The following PIEZO2 variants were observed in gnomAD, a reference collection of about 807,000 sequenced individuals.
The protein encoded by PIEZO2 is piezo type mechanosensitive ion channel component 2, also known as piezo-type mechanosensitive ion channel component 2.
Under a neutral mutation model 337.3 loss-of-function variants are expected in PIEZO2, and 172 were observed. The observed-to-expected ratio is 0.51, with a 90% CI of 0.45 to 0.58. The LOEUF is 0.58. Among genes scored for constraint, PIEZO2 ranks in the 20% least tolerant of loss-of-function variants. PIEZO2 has a pLI of 0.00. For synonymous variants in PIEZO2, 1,251 were observed against 1,228.5 expected (o/e 1.02, Z -0.38); for missense variants, 3,028 against 3,391.3 (o/e 0.89, Z 2.66).
chr18:10,761,050 T>C lies in PIEZO2; in HGVS notation c.3311A>G (p.Tyr1104Cys), dbSNP rs192225494. The change falls in exon 24 of 56, where the codon TAC becomes TGC. Residue 1104 changes from tyrosine to cysteine, a missense_variant. Physicochemically the swap from Tyr to Cys is radical, Grantham distance 194. Around this residue, in one of 5 missense-constraint regions of PIEZO2, gnomAD observed 1,925 missense variants for 2,051.9 expected, o/e 0.94. Coordinates refer to ENST00000674853, the MANE Select transcript of PIEZO2 (RefSeq NM_001378183.1). ...CGTCAGGTTATTTCGACCTCGATAG[T>C]ATTCCTGATGGCGGTAAATGGTGAC... ...FEVTIYRHQE[Y>C]YRGRNNLTAP... The C allele has an allele frequency of 3.8e-4, 578 of 1,537,200 alleles. No homozygotes were observed. The highest frequency in any genetic ancestry group is 4.7e-4 in the Non-Finnish European group (535 of 1,146,856).
At chr18:10,738,101 C>T (rs1179610879) in intron 33 of PIEZO2, 1 of 152,118 alleles carries the variant, frequency 6.6e-6, no homozygotes, top group Non-Finnish European at 1.5e-5. Context: ...GTACTGGGTC[C>T]AGGCCTTGGG....
chr18:10,972,947 T>G (rs557277788), intron 3 of PIEZO2, among the ~76,000 whole-genome samples: 1 of 152,322 alleles, frequency 6.6e-6, no homozygotes, highest in Non-Finnish European at 1.5e-5. Context: ...AGCTGTTATC[T>G]TCCTTTGACA....
intron 4 of PIEZO2, among the ~76,000 whole-genome samples, chr18:10,905,101 A>C (rs2145032037): frequency 6.6e-6 from 1 of 152,378 alleles, no homozygotes; most frequent in Non-Finnish European, 1.5e-5. Context: ...CTACTTTGAC[A>C]AAATTTTACA....
intron 4 of PIEZO2, among the ~76,000 whole-genome samples, chr18:10,904,313 C>T (rs181910332): frequency 6.6e-4 from 101 of 152,326 alleles, no homozygotes; most frequent in Non-Finnish European, 1.3e-3. Context: ...GCCCATAAAA[C>T]CGAGTTACCG....
In PIEZO2 at chr18:11,148,326, T is replaced by TA; in HGVS notation, c.64+198dup. Among the ~76,000 whole-genome samples, 1 of 151,932 alleles carries TA rather than the reference T, an allele frequency of 6.6e-6. No individual in the cohort carries two copies. The highest frequency in any genetic ancestry group is 1.5e-5 in the Non-Finnish European group (1 of 67,994). On this transcript the variant is annotated intron_variant, in intron 1 of 55. Transcript: ENST00000674853. The surrounding 1 kb of genome is among the most constrained non-coding windows in gnomAD (Gnocchi z 5.2). The stretch of plus-strand genomic sequence containing the variant: ...CACATGCCCGTCCCGAGCATCCTGT[T>TA]AAGAGATACCCCGATCGCGCGCCCC...
At position 10,759,916 on chromosome 18, in the gene PIEZO2, A is replaced by T. The variant is rs2038053908; in HGVS notation, c.3451-7T>A. 66 of 1,533,172 alleles carry T rather than the reference A, an allele frequency of 4.3e-5. No individual in the cohort carries two copies. Among genetic ancestry groups the T allele is most frequent in the Non-Finnish European group, 5.8e-5 (66 of 1,143,414 alleles). The allele number at this position is 1,533,172 out of a possible 1,614,324, so 95.0% of individuals were successfully genotyped here. A position where few individuals can be genotyped will look rare whatever the true frequency, so the allele number is the denominator to read the frequency against. ...CTGACATTAGGAAACAGGTCTGTGT[A>T]AAGATGAAAAGAGGCAAAAAAAAAA... On this transcript the variant is annotated splice_region_variant and splice_polypyrimidine_tract_variant and intron_variant, in intron 24 of 55. Transcript: ENST00000674853. This position sits in a 1 kb window ranked among gnomAD's most constrained non-coding sequence, Gnocchi z 5.5.
At chr18:11,054,499 C>T (rs1049791454) in intron 2 of PIEZO2, among the ~76,000 whole-genome samples, 21 of 152,226 alleles carry the variant, frequency 1.4e-4, no homozygotes, top group African/African-American at 4.8e-4. Context: ...ACTGAACGAA[C>T]GCCTGCTATA....
In PIEZO2 at chr18:10,813,063, T is replaced by G. The variant is rs1297846168; in HGVS notation, c.918-5789A>C. On this transcript the variant is annotated intron_variant, in intron 7 of 55. Coordinates refer to ENST00000674853, the MANE Select transcript of PIEZO2 (RefSeq NM_001378183.1). This position sits in a 1 kb window ranked among gnomAD's most constrained non-coding sequence, Gnocchi z 4.2. Reference sequence around the variant, plus strand: ...CATTGGGCCTCTGCTCACTGCAACCTCTGCCTCCCCGGCTCAAGTGATTCT... The same window carrying G: ...CATTGGGCCTCTGCTCACTGCAACCGCTGCCTCCCCGGCTCAAGTGATTCT... 6.6e-6 allele frequency among the ~76,000 whole-genome samples: 1 copy of G among 151,576 alleles called. No individual in the cohort carries two copies. The highest frequency in any genetic ancestry group is 6.6e-5 in the Admixed American group (1 of 15,174).
At chr18:10,791,115 T>G (rs1240335461) in intron 14 of PIEZO2, 86 bp downstream of exon 14, 4 of 1,320,500 alleles carry the variant, frequency 3.0e-6, no homozygotes, top group Non-Finnish European at 4.0e-6. Context: ...TCATTTATTC[T>G]GAAGCTGTCT....
rs1218022168 is a variant in PIEZO2, at chr18:10,795,689, C to T, written c.1528-687G>A. 6.6e-6 allele frequency among the ~76,000 whole-genome samples: 1 copy of T among 152,142 alleles called. No homozygotes were observed. The highest frequency in any genetic ancestry group is 1.5e-5 in the Non-Finnish European group (1 of 68,018). On this transcript the variant is annotated intron_variant, in intron 12 of 55. Transcript: ENST00000674853. This position sits in a 1 kb window ranked among gnomAD's most constrained non-coding sequence, Gnocchi z 4.4. ...TTCCTTACTGGAAACTGAAGTTGAG[C>T]ATACACAGGTTCATCTGAGAAGCAC...
intron 2 of PIEZO2, among the ~76,000 whole-genome samples, chr18:11,064,644 G>A (rs2038092189): frequency 6.6e-6 from 1 of 152,162 alleles, no homozygotes; most frequent in Non-Finnish European, 1.5e-5. Flanking sequence ...TGCATATTCA[G>A]GGCTGGTTAG....
chr18:10,837,504 T>A lies in PIEZO2; in HGVS notation c.917+17849A>T, dbSNP rs2041052365. 6.6e-6 allele frequency among the ~76,000 whole-genome samples: 1 copy of A among 152,172 alleles called. No homozygotes were observed. The stretch of plus-strand genomic sequence containing the variant: ...TTACCACCATGCACATCCTTTAGAA[T>A]GTTGGGGCCAGCAAGAAAGCTTGAG... On this transcript the variant is annotated intron_variant, in intron 7 of 55. Coordinates refer to ENST00000674853, the MANE Select transcript of PIEZO2 (RefSeq NM_001378183.1). The surrounding 1 kb of genome is among the most constrained non-coding windows in gnomAD (Gnocchi z 4.4).
intron 42 of PIEZO2, 154 bp downstream of exon 42, chr18:10,704,240 G>T (rs2035468083): frequency 1.9e-6 from 2 of 1,053,422 alleles, no homozygotes; most frequent in Admixed American, 2.9e-5. Flanking sequence ...CTGACGATTT[G>T]TGTATCTAAG....
chr18:10,956,092 G>A (rs1339951116), intron 3 of PIEZO2, among the ~76,000 whole-genome samples: 1 of 152,106 alleles, frequency 6.6e-6, no homozygotes, highest in Non-Finnish European at 1.5e-5. Flanking sequence ...TTTGACTGAT[G>A]TGGCTATCTG....
chr18:10,862,233 A>T lies in PIEZO2; in HGVS notation c.493-5022T>A, dbSNP rs1403875223. On this transcript the variant is annotated intron_variant, in intron 5 of 55. Transcript: ENST00000674853. The surrounding 1 kb of genome is among the most constrained non-coding windows in gnomAD (Gnocchi z 4.4). ...GTTATTAGTCAGTTAAAAATAAAAT[A>T]AAAATAATAGAATACTGGAAAACAT... Among the ~76,000 whole-genome samples, 2 of 152,150 alleles carry T rather than the reference A, an allele frequency of 1.3e-5. No individual in the cohort carries two copies. Among genetic ancestry groups the T allele is most frequent in the East Asian group, 1.9e-4 (1 of 5,190 alleles).
chr18:10,898,358 T>A lies in PIEZO2; in HGVS notation c.329+12828A>T, dbSNP rs148920405. Among the ~76,000 whole-genome samples the A allele has an allele frequency of 3.3e-3, 505 of 152,078 alleles. 3 individuals are homozygous for A. The highest frequency in any genetic ancestry group is 0.024 in the Middle Eastern group (7 of 294). On this transcript the variant is annotated intron_variant, in intron 4 of 55. Coordinates refer to ENST00000674853, the MANE Select transcript of PIEZO2 (RefSeq NM_001378183.1). Reference sequence around the variant, plus strand: ...ATGGCGTGAACCCAGGAGGCAGAGCTTGCAGTGAGCCGAAATTGCGCCAGT... The same window carrying A: ...ATGGCGTGAACCCAGGAGGCAGAGCATGCAGTGAGCCGAAATTGCGCCAGT...
intron 49 of PIEZO2, among the ~76,000 whole-genome samples, chr18:10,683,571 C>G (rs1333009798): frequency 6.6e-6 from 1 of 152,142 alleles, no homozygotes; most frequent in East Asian, 1.9e-4. Flanking sequence ...GATTTTCTTC[C>G]CGATTTTCTA....
intron 2 of PIEZO2, among the ~76,000 whole-genome samples, chr18:11,064,329 C>G (rs1014556508): frequency 2.6e-5 from 4 of 152,258 alleles, no homozygotes; most frequent in Non-Finnish European, 5.9e-5. Flanking sequence ...AATAAGTCAT[C>G]TGAATGCTGC....
At chr18:11,068,121 T>C (rs1312962368) in intron 1 of PIEZO2, among the ~76,000 whole-genome samples, 1 of 152,158 alleles carries the variant, frequency 6.6e-6, no homozygotes, top group Admixed American at 6.5e-5. Flanking sequence ...GGGGTTTCAC[T>C]GTGTTAGCCA....
Sources: allele counts gnomAD v4.1 joint callset (sites outside exome capture counted in the v4.1 genomes callset), GRCh38; gene constraint gnomAD v4.1.1; regional missense constraint gnomAD v4.1.1; non-coding constraint Gnocchi (gnomAD v3.1); transcripts MANE v1.5; gene names NCBI Gene and HGNC (gene_info 2026-07-23, HGNC 2026-07-21).